Variants in RBFOX1 observed in about 807,000 individuals in gnomAD.
RBFOX1 encodes the protein RNA binding fox-1 homolog 1.
RBFOX1 carries 8 observed loss-of-function variants against 57.7 expected under a neutral mutation model. The observed-to-expected ratio is 0.14, with a 90% confidence interval of 0.08 to 0.25. The LOEUF (loss-of-function observed/expected upper bound fraction) is 0.25. Among genes scored for constraint, RBFOX1 ranks in the 10% least tolerant of loss-of-function variants. RBFOX1 has a pLI of 1.00. For missense variants in RBFOX1, 611 were observed against 548.5 expected, an observed-to-expected ratio of 1.11 and a Z score of -1.14; for synonymous variants, 326 against 222.4, an observed-to-expected ratio of 1.47 and a Z score of -4.15.
intron 4 of RBFOX1, among the ~76,000 whole-genome samples, chr16:7,170,801 TGG>T (rs2080540497): frequency 6.6e-6 from 1 of 152,158 alleles, no homozygotes; most frequent in Admixed American, 6.5e-5. Flanking sequence ...CTTATTAAGG[TGG>T]TGACAGAGCT....
chr16:6,320,191 A>G (rs1317476748), intron 2 of RBFOX1, among the ~76,000 whole-genome samples: 2 of 152,210 alleles, frequency 1.3e-5, no homozygotes, highest in Non-Finnish European at 2.9e-5. Flanking sequence ...GGAATGACTT[A>G]GCGTAACCCT....
At chr16:5,598,708 A>G (rs546853741) in intron 2 of RBFOX1, among the ~76,000 whole-genome samples, 120 of 152,320 alleles carry the variant, frequency 7.9e-4, no homozygotes, top group African/African-American at 2.8e-3. Context: ...TTGTAGCCAT[A>G]TCGGGCTTGT....
chr16:6,632,090 G>A (rs1040304352), intron 2 of RBFOX1, among the ~76,000 whole-genome samples: 1 of 152,126 alleles, frequency 6.6e-6, no homozygotes, highest in South Asian at 2.1e-4. Flanking sequence ...GAGGTGCTGG[G>A]TTTGGTTTCT....
intron 4 of RBFOX1, among the ~76,000 whole-genome samples, chr16:7,061,742 T>A (rs1027375594): frequency 6.6e-6 from 1 of 152,180 alleles, no homozygotes; most frequent in Non-Finnish European, 1.5e-5. Context: ...AAATCGCTAA[T>A]AATGCTGACA....
At chr16:6,532,874 T>G (rs573724968) in intron 2 of RBFOX1, among the ~76,000 whole-genome samples, 2 of 152,190 alleles carry the variant, frequency 1.3e-5, no homozygotes, top group Non-Finnish European at 2.9e-5. Flanking sequence ...TGAAGACCCT[T>G]CTCTGGCCCC....
At chr16:5,980,703 C>T (rs145105991) in intron 4 of RBFOX1, among the ~76,000 whole-genome samples, 62 of 152,242 alleles carry the variant, frequency 4.1e-4, no homozygotes, top group Non-Finnish European at 6.0e-4. Flanking sequence ...TTCATTCCCT[C>T]TTAGTGCTTC....
intron 1 of RBFOX1, among the ~76,000 whole-genome samples, chr16:6,090,772 C>G (rs1406021888): frequency 1.3e-5 from 2 of 152,192 alleles, no homozygotes; most frequent in Non-Finnish European, 1.5e-5. Context: ...AGTCCTCTTT[C>G]TCTTTTCTTA....
At chr16:7,174,944 G>C (rs1182046591) in intron 4 of RBFOX1, among the ~76,000 whole-genome samples, 5 of 152,058 alleles carry the variant, frequency 3.3e-5, no homozygotes, top group Non-Finnish European at 5.9e-5. Context: ...CATTCTAGTG[G>C]GTATGTGGTG....
intron 3 of RBFOX1, among the ~76,000 whole-genome samples, chr16:6,992,956 C>T (rs1021603765): frequency 6.6e-6 from 1 of 152,108 alleles, no homozygotes; most frequent in African/African-American, 2.4e-5. Flanking sequence ...CTCCTTCTTC[C>T]CAATTACTTC....
chr16:6,991,158 AAAAAG>A (rs2091371421), intron 3 of RBFOX1, among the ~76,000 whole-genome samples: 1 of 149,746 alleles, frequency 6.7e-6, no homozygotes, highest in African/African-American at 2.5e-5. Flanking sequence ...AAAAAAAAAA[AAAAAG>A]ACACGGTGGC....
In RBFOX1 at chr16:7,346,444, C is replaced by T. The variant is rs754081711; in HGVS notation, c.28-171703C>T. Among the ~76,000 whole-genome samples, 7 of 152,256 alleles carry T rather than the reference C, an allele frequency of 4.6e-5. No individual in the cohort carries two copies. The South Asian group carries it at 1.5e-3, about 32-fold the overall frequency. On this transcript the variant is annotated intron_variant, in intron 4 of 15. Transcript: ENST00000550418. ...AGTTCCTTCCTGGGAATGGACACGA[C>T]ACGCGTTTGATAATGTCTCTGCTTT...
At chr16:6,320,531 TA>T (rs2081642281) in intron 2 of RBFOX1, among the ~76,000 whole-genome samples, 1 of 152,156 alleles carries the variant, frequency 6.6e-6, no homozygotes, top group Non-Finnish European at 1.5e-5. Flanking sequence ...TGCGAAGATT[TA>T]AGGTATATAT....
At chr16:7,171,057 G>C (rs1180594619) in intron 4 of RBFOX1, among the ~76,000 whole-genome samples, 10 of 152,182 alleles carry the variant, frequency 6.6e-5, no homozygotes. Flanking sequence ...CCATTTGTCT[G>C]AATCTTATTT....
chr16:7,440,406 A>T (rs2098757078), intron 4 of RBFOX1, among the ~76,000 whole-genome samples: 1 of 152,116 alleles, frequency 6.6e-6, no homozygotes, highest in Admixed American at 6.6e-5. Flanking sequence ...GATTTCAGAG[A>T]AGAAAATCTC....
chr16:5,670,237 T>G (rs947378271), intron 3 of RBFOX1, among the ~76,000 whole-genome samples: 6 of 152,126 alleles, frequency 3.9e-5, no homozygotes, highest in African/African-American at 1.2e-4. Flanking sequence ...GTAATGAAAA[T>G]GTTCTGGACT....
At chr16:7,584,223 TGATCTGAGAAC>T (rs2093972142) in intron 6 of RBFOX1, among the ~76,000 whole-genome samples, 2 of 152,230 alleles carry the variant, frequency 1.3e-5, no homozygotes, top group Non-Finnish European at 2.9e-5. Context: ...AAATATTGTT[TGATCTGAGAAC>T]ATCTAAAAAT....
chr16:7,379,960 A>G (rs576667704), intron 4 of RBFOX1, among the ~76,000 whole-genome samples: 1 of 152,102 alleles, frequency 6.6e-6, no homozygotes, highest in South Asian at 2.1e-4. Context: ...GTTCAAGCAC[A>G]ATCCTCCTGC....
At chr16:6,184,814 G>T (rs968812867) in intron 1 of RBFOX1, among the ~76,000 whole-genome samples, 1 of 151,734 alleles carries the variant, frequency 6.6e-6, no homozygotes, top group Non-Finnish European at 1.5e-5. Context: ...TGATCCACCC[G>T]CCTCAGCCTT....
At chr16:6,512,522 C>G (rs1268014829) in intron 2 of RBFOX1, among the ~76,000 whole-genome samples, 1 of 152,058 alleles carries the variant, frequency 6.6e-6, no homozygotes, top group African/African-American at 2.4e-5. Flanking sequence ...TGTAGAGGGT[C>G]TGGACCAAGA....
Sources: gnomAD v4.1 joint callset for allele counts (sites outside exome capture counted in the v4.1 genomes callset) on GRCh38, gnomAD v4.1.1 for gene constraint, MANE v1.5 for transcripts, NCBI Gene and HGNC (gene_info 2026-07-23, HGNC 2026-07-21) for gene names.